GALNTL6: variants seen among roughly 807,000 people sequenced by gnomAD.
GALNTL6 encodes polypeptide N-acetylgalactosaminyltransferase like 6.
GALNTL6 carries 46 observed loss-of-function variants against 73.7 expected under a neutral mutation model. The observed-to-expected ratio is 0.62, with a 90% CI of 0.49 to 0.80. The LOEUF is 0.80. Ranked by LOEUF, GALNTL6 falls within the 30% of genes least tolerant of loss-of-function variation. The probability of loss-of-function intolerance (pLI) is 0.00; values close to 1 mark genes in which losing one functional copy is unlikely to be tolerated. For synonymous variants in GALNTL6, 259 were observed against 263.7 expected, an observed-to-expected ratio of 0.98 and a Z score of 0.17; for missense variants, 604 against 755.0, an observed-to-expected ratio of 0.80 and a Z score of 2.34.
At position 171,917,949 on chromosome 4, in the gene GALNTL6, C is replaced by T. The variant is rs569696080; in HGVS notation, c.138+103231C>T. Among the ~76,000 whole-genome samples, 266 of 152,164 alleles carry T rather than the reference C, an allele frequency of 1.7e-3. 1 individual carries two copies. Among genetic ancestry groups the T allele is most frequent in the Non-Finnish European group, 3.0e-3 (206 of 67,968 alleles). On this transcript the variant is annotated intron_variant, in intron 2 of 12. Coordinates refer to ENST00000506823, the MANE Select transcript of GALNTL6 (RefSeq NM_001034845.3). ...GCCCAAGTCCTGTCAATATTTGCTT[C>T]TATGATAGCTATTTTTTGTATCACC...
intron 5 of GALNTL6, among the ~76,000 whole-genome samples, chr4:172,631,024 CAT>C (rs1201903999): frequency 6.6e-6 from 1 of 151,468 alleles, no homozygotes; most frequent in Non-Finnish European, 1.5e-5. Context: ...TTGACAATTG[CAT>C]AGAGTCATTA....
chr4:172,571,692 C>CA (rs1324563591), intron 5 of GALNTL6, among the ~76,000 whole-genome samples: 1 of 151,960 alleles, frequency 6.6e-6, no homozygotes, highest in African/African-American at 2.4e-5. Context: ...GAATTGAAGA[C>CA]AAAAAAAGCA....
At chr4:172,450,239 C>A (rs1396799992) in intron 5 of GALNTL6, among the ~76,000 whole-genome samples, 1 of 149,028 alleles carries the variant, frequency 6.7e-6, no homozygotes, top group Non-Finnish European at 1.5e-5. Flanking sequence ...AACAAACAAA[C>A]TTCCTCCCCC....
chr4:172,873,516 T>A (rs1745046833), intron 7 of GALNTL6, among the ~76,000 whole-genome samples: 1 of 152,180 alleles, frequency 6.6e-6, no homozygotes, highest in Non-Finnish European at 1.5e-5. Flanking sequence ...CACTTCTCAA[T>A]GGGAAACAGT....
At chr4:172,589,485 G>T (rs1055171331) in intron 5 of GALNTL6, among the ~76,000 whole-genome samples, 2 of 152,146 alleles carry the variant, frequency 1.3e-5, no homozygotes, top group African/African-American at 2.4e-5. Flanking sequence ...CCTGTAAGAA[G>T]AAGGCAAGCA....
intron 12 of GALNTL6, among the ~76,000 whole-genome samples, chr4:173,029,379 G>A (rs1727011558): frequency 6.6e-6 from 1 of 152,142 alleles, no homozygotes; most frequent in African/African-American, 2.4e-5. Context: ...CCAATTAAAT[G>A]GCCCAATTTC....
At chr4:172,276,251 G>A (rs1054210009) in intron 3 of GALNTL6, among the ~76,000 whole-genome samples, 1 of 152,086 alleles carries the variant, frequency 6.6e-6, no homozygotes, top group Non-Finnish European at 1.5e-5. Flanking sequence ...CATGAATGTG[G>A]ACATGTTTCC....
At chr4:172,408,894 T>C (rs1246250841) in intron 5 of GALNTL6, among the ~76,000 whole-genome samples, 2 of 152,066 alleles carry the variant, frequency 1.3e-5, no homozygotes, top group Admixed American at 6.6e-5. Context: ...CTTCAGAAAC[T>C]GAACAGTGAA....
chr4:172,196,006 G>GTT (rs147919669), intron 2 of GALNTL6, among the ~76,000 whole-genome samples: 1,285 of 127,188 alleles, frequency 0.01, 9 homozygotes, highest in African/African-American at 0.013. Context: ...CAGGAGCTGG[G>GTT]TTTTTTTTTT....
At chr4:172,738,037 G>A (rs1200894913) in intron 5 of GALNTL6, among the ~76,000 whole-genome samples, 1 of 152,172 alleles carries the variant, frequency 6.6e-6, no homozygotes, top group Non-Finnish European at 1.5e-5. Flanking sequence ...GGAGATGGTA[G>A]TCCTGCCTAC....
intron 9 of GALNTL6, among the ~76,000 whole-genome samples, chr4:172,939,396 C>T (rs796482986): frequency 1.3e-5 from 2 of 152,260 alleles, no homozygotes; most frequent in African/African-American, 4.8e-5. Context: ...TTTCATTATT[C>T]TCTATGATTG....
intron 5 of GALNTL6, among the ~76,000 whole-genome samples, chr4:172,680,160 C>T (rs1177613150): frequency 1.3e-5 from 2 of 152,206 alleles, no homozygotes; most frequent in Non-Finnish European, 2.9e-5. Context: ...AGAATCAGGA[C>T]TGAGTTTTTC....
At chr4:172,540,191 C>T (rs1300326138) in intron 5 of GALNTL6, among the ~76,000 whole-genome samples, 2 of 151,744 alleles carry the variant, frequency 1.3e-5, no homozygotes, top group African/African-American at 4.8e-5. Context: ...GCTGGGACTA[C>T]AGGCGTATGC....
intron 2 of GALNTL6, among the ~76,000 whole-genome samples, chr4:171,899,643 T>C (rs1015832824): frequency 6.6e-6 from 1 of 152,204 alleles, no homozygotes; most frequent in African/African-American, 2.4e-5. Context: ...CATATTTATG[T>C]ATGCTATACA....
intron 12 of GALNTL6, among the ~76,000 whole-genome samples, chr4:173,032,418 T>G (rs1753504751): frequency 6.8e-6 from 1 of 147,270 alleles, no homozygotes; most frequent in Non-Finnish European, 1.5e-5. Flanking sequence ...GCCACTGCAC[T>G]CCAGCCTCGG....
intron 2 of GALNTL6, among the ~76,000 whole-genome samples, chr4:171,920,719 C>A (rs1737760660): frequency 6.6e-6 from 1 of 152,058 alleles, no homozygotes; most frequent in South Asian, 2.1e-4. Flanking sequence ...TACATACACA[C>A]AAACACAGTC....
At chr4:172,267,254 A>G (rs960183619) in intron 3 of GALNTL6, among the ~76,000 whole-genome samples, 19 of 152,128 alleles carry the variant, frequency 1.2e-4, no homozygotes, top group African/African-American at 4.3e-4. Context: ...GAATGTAATG[A>G]GAGCAGGAAA....
At chr4:172,183,540 T>TTAGAC (rs891540953) in intron 2 of GALNTL6, among the ~76,000 whole-genome samples, 108 of 152,340 alleles carry the variant, frequency 7.1e-4, no homozygotes, top group African/African-American at 2.6e-3. Flanking sequence ...AGGCAAGGAC[T>TTAGAC]TAGACCATTT....
chr4:172,317,221 C>T (rs1740591361), intron 4 of GALNTL6, among the ~76,000 whole-genome samples: 1 of 152,194 alleles, frequency 6.6e-6, no homozygotes, highest in Non-Finnish European at 1.5e-5. Context: ...ATTCTAAATA[C>T]TCCTGCCTTC....
Sources: allele counts gnomAD v4.1 joint callset (sites outside exome capture counted in the v4.1 genomes callset), GRCh38; gene constraint gnomAD v4.1.1; transcripts MANE v1.5; gene names NCBI Gene and HGNC (gene_info 2026-07-23, HGNC 2026-07-21).